Variants in GTF2H1 observed in about 807,000 individuals in gnomAD.
The protein encoded by GTF2H1 is BTF2 p62.
GTF2H1 carries 16 observed loss-of-function variants against 71.2 expected under a neutral mutation model. The ratio of observed to expected loss-of-function variants is 0.22; its 90% CI spans 0.15 to 0.34. The LOEUF (loss-of-function observed/expected upper bound fraction) is 0.34, where lower values mean the gene tolerates loss of function less well. Ranked by LOEUF, GTF2H1 falls within the 10% of genes least tolerant of loss-of-function variation. The probability of loss-of-function intolerance (pLI) is 1.00; values close to 1 mark genes in which losing one functional copy is unlikely to be tolerated. For missense variants in GTF2H1, 498 were observed against 648.2 expected (o/e 0.77, Z 2.52); for synonymous variants, 215 against 219.0 (o/e 0.98, Z 0.16).
At chr11:18,323,485 C>T (rs578153382) in intron 1 of GTF2H1, among the ~76,000 whole-genome samples, 6 of 151,744 alleles carry the variant, frequency 4.0e-5, no homozygotes, top group Non-Finnish European at 8.8e-5. Context: ...ATTTTAGCAT[C>T]AGTAAAATGG....
intron 7 of GTF2H1, chr11:18,347,346 T>C (rs902200312): frequency 9.3e-6 from 3 of 323,610 alleles, no homozygotes; most frequent in Non-Finnish European, 1.7e-5. Context: ...CGGGACTCCA[T>C]CTCAAAAACA....
intron 14 of GTF2H1, among the ~76,000 whole-genome samples, chr11:18,362,670 T>G (rs1367463099): frequency 8.4e-5 from 1 of 11,970 alleles, no homozygotes; most frequent in Non-Finnish European, 1.5e-4. Flanking sequence ...TTCTTTTTCT[T>G]TTTTTTTTTT....
At chr11:18,325,064 A>G (rs936949725) in intron 1 of GTF2H1, among the ~76,000 whole-genome samples, 2 of 152,230 alleles carry the variant, frequency 1.3e-5, no homozygotes, top group Non-Finnish European at 2.9e-5. Flanking sequence ...GATGGCAAGC[A>G]GCATTCCAAA....
In GTF2H1 at chr11:18,358,568, T is replaced by C. The variant is rs749100348; in HGVS notation, c.1395T>C (p.Tyr465=). The change falls in exon 13 of 15, where the codon TAT becomes TAC. Residue 465 remains tyrosine (Y), a synonymous_variant. Coordinates refer to ENST00000265963, the MANE Select transcript of GTF2H1 (RefSeq NM_005316.4). ...NDIQSELKHL[Y]VAVGELLRHF... is the part of the protein sequence containing the mutation. ...TTCAATCTGAATTGAAACACTTATA[T>C]GTAGCTGTTGGAGAACTTCTACGAC... 7 of 1,612,496 alleles carry C rather than the reference T, an allele frequency of 4.3e-6. No individual in the cohort carries two copies. In the South Asian group the frequency reaches 6.6e-5, roughly 15 times the overall value.
At chr11:18,332,738 T>C in intron 1 of GTF2H1, 1 of 165,198 alleles carries the variant, frequency 6.1e-6, no homozygotes, top group South Asian at 1.9e-4. Context: ...CAATTGTAAA[T>C]ATAGACTATA....
At chr11:18,327,383 T>G (rs985796205) in intron 1 of GTF2H1, among the ~76,000 whole-genome samples, 7 of 152,228 alleles carry the variant, frequency 4.6e-5, no homozygotes, top group African/African-American at 1.4e-4. Context: ...GCATATATTT[T>G]CAGAGTAACA....
At chr11:18,332,163 C>A (rs1187986512) in intron 1 of GTF2H1, among the ~76,000 whole-genome samples, 1 of 152,148 alleles carries the variant, frequency 6.6e-6, no homozygotes, top group South Asian at 2.1e-4. Context: ...AAAAATGTTG[C>A]GGTAAAGCTT....
At chr11:18,331,520 G>T (rs547466523) in intron 1 of GTF2H1, among the ~76,000 whole-genome samples, 1 of 152,078 alleles carries the variant, frequency 6.6e-6, no homozygotes, top group African/African-American at 2.4e-5. Context: ...TACAAAAATA[G>T]CCAGGCGTGG....
At position 18,338,058 on chromosome 11, in the gene GTF2H1, T is replaced by C. The variant is rs112874399; in HGVS notation, c.348-51T>C. The C allele has an allele frequency of 5.2e-3, 6,278 of 1,206,848 alleles. 285 individuals are homozygous for C. The South Asian group carries it at 0.078, about 15-fold the overall frequency. 74.8% of individuals were successfully genotyped at this position (1,206,848 alleles called of 1,614,324 possible). On this transcript the variant is annotated intron_variant, in intron 3 of 14. Transcript: ENST00000265963. ...AAAATCTTTTTAAAATGTACCTACA[T>C]GGTGTTTTATTCTAGAAGTTCAGTT... is the stretch of plus-strand genomic sequence containing the variant.
intron 14 of GTF2H1, among the ~76,000 whole-genome samples, chr11:18,362,640 C>T (rs1401688473): frequency 6.7e-6 from 1 of 148,778 alleles, no homozygotes. Flanking sequence ...TCCCTCTCTC[C>T]GTATAGATAT....
At chr11:18,344,319 CAGT>C in intron 7 of GTF2H1, among the ~76,000 whole-genome samples, 1 of 151,998 alleles carries the variant, frequency 6.6e-6, no homozygotes, top group East Asian at 1.9e-4. Context: ...TCTCCCCTAG[CAGT>C]AATAATTATA....
At chr11:18,331,812 T>G (rs777399725) in intron 1 of GTF2H1, among the ~76,000 whole-genome samples, 4 of 152,168 alleles carry the variant, frequency 2.6e-5, no homozygotes, top group Admixed American at 6.5e-5. Context: ...CAAATAGAAG[T>G]TCTCAATTAT....
Position 18,365,818 on chromosome 11 carries a change from C to A in GTF2H1, c.1596C>A (p.Ala532=), listed in dbSNP as rs755521286. The A allele has an allele frequency of 2.6e-5, 42 of 1,613,774 alleles. 1 individual carries two copies. The South Asian group carries it at 4.6e-4, about 18-fold the overall frequency. ...VSHIEEMLQT[A]YNKLHTWQSR... Reference sequence around the variant, plus strand: ...ACATAGAAGAGATGCTCCAGACAGCCTACAACAAGCTCCACACATGGCAGT... The same window carrying A: ...ACATAGAAGAGATGCTCCAGACAGCATACAACAAGCTCCACACATGGCAGT... The change falls in exon 15 of 15, where the codon GCC becomes GCA. Residue 532 remains alanine, a synonymous_variant. Transcript: ENST00000265963.
Position 18,338,226 on chromosome 11 carries a change from T to C in GTF2H1, c.465T>C (p.Ser155=). The C allele has an allele frequency of 6.2e-7, 1 of 1,610,080 alleles. No individual in the cohort carries two copies. The highest frequency in any genetic ancestry group is 1.3e-5 in the African/African-American group (1 of 74,976). Residue 155 remains serine (S), a synonymous_variant, in exon 4 of 15, where the codon TCT becomes TCC. Transcript: ENST00000265963. ...NRLNVNATDS[S]STSNHKQDVG... ...TAAATGTGAATGCAACAGATAGTTC[T>C]TCCACATCCAATCATAAGCAGGATG...
intron 7 of GTF2H1, among the ~76,000 whole-genome samples, chr11:18,345,797 T>TCTTTTTTTA (rs71047586): frequency 5.0e-5 from 1 of 20,070 alleles, no homozygotes; most frequent in Admixed American, 6.5e-4. Flanking sequence ...CACATATGAG[T>TCTTTTTTTA]TTTTTTTTTT....
chr11:18,346,733 CTTTTTT>C (rs35494754), intron 7 of GTF2H1, among the ~76,000 whole-genome samples: 1 of 85,216 alleles, frequency 1.2e-5, no homozygotes, highest in Non-Finnish European at 2.1e-5. Context: ...TTTTTATTTA[CTTTTTT>C]TTTTTTTTTT....
At chr11:18,344,616 C>CAAA (rs201176508) in intron 7 of GTF2H1, among the ~76,000 whole-genome samples, 2 of 100,482 alleles carry the variant, frequency 2.0e-5, no homozygotes, top group Non-Finnish European at 4.1e-5. Flanking sequence ...GAGACTGTCT[C>CAAA]AAAAAAAAAA....
In GTF2H1 at chr11:18,365,850, G is replaced by A. The variant is rs147761194; in HGVS notation, c.1628G>A (p.Arg543His). Residue 543 changes from arginine (R) to histidine (H), a missense_variant, in exon 15 of 15, where the codon CGT becomes CAT. Arg to His is a conservative substitution (Grantham distance 29, BLOSUM62 0). Transcript: ENST00000265963. Reference protein sequence around the residue: ...YNKLHTWQSRRLMKKT With the variant: ...YNKLHTWQSRHLMKKT The stretch of plus-strand genomic sequence containing the variant: ...AAGCTCCACACATGGCAGTCACGGC[G>A]TCTGATGAAGAAAACGTGAGGTGGC... 49 of 1,612,990 alleles carry A rather than the reference G, an allele frequency of 3.0e-5. No individual in the cohort carries two copies. The highest frequency in any genetic ancestry group is 2.5e-4 in the South Asian group (23 of 91,054).
intron 11 of GTF2H1, among the ~76,000 whole-genome samples, chr11:18,355,735 G>A (rs558013374): frequency 1.3e-5 from 2 of 151,332 alleles, no homozygotes; most frequent in East Asian, 2.0e-4. Context: ...GGCTGGTCTC[G>A]AACTCCTGAG....
Sources: gnomAD v4.1 joint callset for allele counts (sites outside exome capture counted in the v4.1 genomes callset) on GRCh38, gnomAD v4.1.1 for gene constraint, MANE v1.5 for transcripts, NCBI Gene and HGNC (gene_info 2026-07-23, HGNC 2026-07-21) for gene names.